Variants in DOK6 observed in about 807,000 individuals in gnomAD.
DOK6 encodes the protein downstream of tyrosine kinase 6.
DOK6 carries 22 observed loss-of-function variants against 44.0 expected under a neutral mutation model. The observed-to-expected ratio is 0.50, with a 90% CI of 0.36 to 0.71. DOK6 has a LOEUF of 0.71. DOK6 is among the 30% of genes least tolerant of loss of function. The pLI, the probability that DOK6 is intolerant of heterozygous loss-of-function variation, is 0.00. For synonymous variants in DOK6, 166 were observed against 145.5 expected (o/e 1.14, Z -1.01); for missense variants, 340 against 416.4 (o/e 0.82, Z 1.60).
intron 7 of DOK6, among the ~76,000 whole-genome samples, chr18:69,807,893 A>G (rs1351941556): frequency 2.0e-5 from 3 of 151,764 alleles, no homozygotes; most frequent in Non-Finnish European, 4.4e-5. Flanking sequence ...TCATCCAGAG[A>G]AAAAAAATCA....
chr18:69,500,718 T>G (rs140515224), intron 1 of DOK6, among the ~76,000 whole-genome samples: 300 of 152,306 alleles, frequency 2.0e-3, no homozygotes, highest in African/African-American at 6.7e-3. Flanking sequence ...GCTAGATAGA[T>G]GTGTTCACCT....
intron 7 of DOK6, among the ~76,000 whole-genome samples, chr18:69,830,195 G>GA (rs1599349252): frequency 1.3e-5 from 2 of 151,976 alleles, no homozygotes; most frequent in Non-Finnish European, 2.9e-5. Flanking sequence ...GAAGCTGGAA[G>GA]AAAAAAAGTC....
At chr18:69,566,396 A>G (rs1014277068) in intron 2 of DOK6, among the ~76,000 whole-genome samples, 17 of 152,276 alleles carry the variant, frequency 1.1e-4, no homozygotes, top group African/African-American at 2.4e-4. Context: ...TCGGCCTCCC[A>G]AAGTGCTGGG....
intron 5 of DOK6, among the ~76,000 whole-genome samples, chr18:69,727,815 T>A (rs1978318029): frequency 6.6e-6 from 1 of 152,246 alleles, no homozygotes; most frequent in Non-Finnish European, 1.5e-5. Flanking sequence ...GAACCCCTTC[T>A]CACTGGGAAG....
At chr18:69,542,055 G>A (rs1377904730) in intron 1 of DOK6, among the ~76,000 whole-genome samples, 1 of 151,532 alleles carries the variant, frequency 6.6e-6, no homozygotes, top group Non-Finnish European at 1.5e-5. Flanking sequence ...GAGATGGTGT[G>A]GATGGCCTTG....
At chr18:69,723,363 T>C (rs548498961) in intron 5 of DOK6, among the ~76,000 whole-genome samples, 52 of 152,348 alleles carry the variant, frequency 3.4e-4, no homozygotes, top group African/African-American at 1.2e-3. Context: ...TCCATTGTTG[T>C]CTGTGTTGGT....
At chr18:69,573,722 T>G (rs1020282935) in intron 2 of DOK6, among the ~76,000 whole-genome samples, 3 of 152,016 alleles carry the variant, frequency 2.0e-5, no homozygotes, top group Non-Finnish European at 4.4e-5. Context: ...TTTCTTTGTA[T>G]CAACCTTACT....
At chr18:69,680,162 T>C (rs1046214876) in intron 4 of DOK6, among the ~76,000 whole-genome samples, 1 of 152,214 alleles carries the variant, frequency 6.6e-6, no homozygotes, top group Non-Finnish European at 1.5e-5. Context: ...GAAAAGGTAA[T>C]ACTGGGTTTA....
chr18:69,605,343 G>C (rs1166704455), intron 3 of DOK6, among the ~76,000 whole-genome samples: 1 of 152,094 alleles, frequency 6.6e-6, no homozygotes, highest in Non-Finnish European at 1.5e-5. Flanking sequence ...AACCAAAGAA[G>C]AAACAGAGGT....
chr18:69,798,263 G>A (rs1478149871), intron 7 of DOK6, among the ~76,000 whole-genome samples: 24 of 152,072 alleles, frequency 1.6e-4, no homozygotes, highest in African/African-American at 1.9e-4. Flanking sequence ...TAAAGGTCAA[G>A]ACAATAGTTA....
At chr18:69,666,419 TATTC>T (rs1363805741) in intron 3 of DOK6, among the ~76,000 whole-genome samples, 12 of 151,930 alleles carry the variant, frequency 7.9e-5, no homozygotes, top group African/African-American at 2.9e-4. Flanking sequence ...AGCTGACTTC[TATTC>T]TTTATTTCTT....
intron 2 of DOK6, among the ~76,000 whole-genome samples, chr18:69,584,958 A>G (rs1983465040): frequency 6.6e-6 from 1 of 151,338 alleles, no homozygotes; most frequent in Non-Finnish European, 1.5e-5. Flanking sequence ...ACCTTCTTTC[A>G]TCTAGCTTGC....
chr18:69,457,871 T>C (rs1837965), intron 1 of DOK6, among the ~76,000 whole-genome samples: 120,967 of 152,182 alleles, frequency 0.79, 48,351 homozygotes, highest in East Asian at 1. Flanking sequence ...ATGCCAGGCG[T>C]GGTGGCTCAC....
chr18:69,448,080 G>C (rs1979347640), intron 1 of DOK6, among the ~76,000 whole-genome samples: 1 of 152,216 alleles, frequency 6.6e-6, no homozygotes, highest in African/African-American at 2.4e-5. Context: ...TGAAGAAGGA[G>C]TGTGGTCTGC....
At position 69,620,471 on chromosome 18, in the gene DOK6, A is replaced by G. The variant is rs543718442; in HGVS notation, c.289+20973A>G. 2.6e-5 allele frequency among the ~76,000 whole-genome samples: 4 copies of G among 152,316 alleles called. No individual in the cohort carries two copies. In the South Asian group the frequency reaches 6.2e-4, roughly 24 times the overall value. ...CTTTAAGCATTTAGTATGATGAATT[A>G]TATCAATATGAACACATTTCCTGAT... On this transcript the variant is annotated intron_variant, in intron 3 of 7. Transcript: ENST00000382713.
At chr18:69,727,623 A>G (rs902384701) in intron 5 of DOK6, among the ~76,000 whole-genome samples, 12 of 152,234 alleles carry the variant, frequency 7.9e-5, no homozygotes, top group African/African-American at 2.9e-4. Context: ...CCTGATGACT[A>G]TATAAATGTG....
At chr18:69,504,456 T>G (rs761260999) in intron 1 of DOK6, among the ~76,000 whole-genome samples, 1 of 152,090 alleles carries the variant, frequency 6.6e-6, no homozygotes, top group Non-Finnish European at 1.5e-5. Flanking sequence ...AACATATACC[T>G]GATATTTTTC....
chr18:69,757,711 T>C lies in DOK6; in HGVS notation c.739-45T>C, dbSNP rs779808830. The C allele has an allele frequency of 2.7e-5, 41 of 1,518,884 alleles. 1 individual carries two copies. In the Admixed American group the frequency reaches 4.7e-4, roughly 17 times the overall value. The allele number at this position is 1,518,884 out of a possible 1,614,324, so 94.1% of individuals were successfully genotyped here. On this transcript the variant is annotated intron_variant, in intron 6 of 7. Coordinates refer to ENST00000382713, the MANE Select transcript of DOK6 (RefSeq NM_152721.6). ...ATATTTAGAAGAGCAGATTTCAGTT[T>C]AATATTTTAAAACGAGGCCTAAAAC...
At chr18:69,766,121 C>T (rs937846589) in intron 7 of DOK6, among the ~76,000 whole-genome samples, 2 of 152,166 alleles carry the variant, frequency 1.3e-5, no homozygotes, top group Non-Finnish European at 2.9e-5. Flanking sequence ...TTTGTAGCAA[C>T]ATGGATGTAG....
Sources: gnomAD v4.1 joint callset for allele counts (sites outside exome capture counted in the v4.1 genomes callset) on GRCh38, gnomAD v4.1.1 for gene constraint, MANE v1.5 for transcripts, NCBI Gene and HGNC (gene_info 2026-07-23, HGNC 2026-07-21) for gene names.